Variants in SECISBP2 observed in about 807,000 individuals in gnomAD.
The protein encoded by SECISBP2 is SECIS binding protein 2.
Under a neutral mutation model 98.2 loss-of-function variants are expected in SECISBP2, and 96 were observed. That is an observed-to-expected ratio of 0.98 (90% CI 0.83 to 1.16). SECISBP2 has a LOEUF of 1.16. Ranked by LOEUF, SECISBP2 falls within the 50% of genes most tolerant of loss-of-function variation. The probability of loss-of-function intolerance (pLI) is 0.00; values close to 1 mark genes in which losing one functional copy is unlikely to be tolerated. For missense variants in SECISBP2, 1,046 were observed against 1,022.9 expected, an observed-to-expected ratio of 1.02 and a Z score of -0.31; for synonymous variants, 407 against 370.2, an observed-to-expected ratio of 1.10 and a Z score of -1.14.
intron 9 of SECISBP2, among the ~76,000 whole-genome samples, chr9:89,341,046 T>C (rs780436504): frequency 6.6e-6 from 1 of 152,054 alleles, no homozygotes; most frequent in Non-Finnish European, 1.5e-5. Context: ...AAAGACTTTA[T>C]ACAAGTGCTA....
intron 10 of SECISBP2, 72 bp from the exon 11 acceptor site, chr9:89,346,810 C>T (rs528609861): frequency 6.6e-5 from 105 of 1,579,108 alleles, no homozygotes; most frequent in East Asian, 2.5e-4. Flanking sequence ...AGCCCCTGGG[C>T]GAGCTGCGAT....
intron 14 of SECISBP2, among the ~76,000 whole-genome samples, chr9:89,352,376 G>A (rs937070578): frequency 6.6e-6 from 1 of 151,962 alleles, no homozygotes; most frequent in Admixed American, 6.5e-5. Context: ...TTCTTCTTGG[G>A]CTGCACTCTT....
At chr9:89,354,742 GCT>G (rs2132050030) in intron 14 of SECISBP2, 1 of 984,648 alleles carries the variant, frequency 1.0e-6, no homozygotes, top group African/African-American at 1.7e-5. Flanking sequence ...AGCCAAGCCT[GCT>G]CTGTTAGGTT....
At chr9:89,345,144 C>G (rs745454713) in intron 10 of SECISBP2, among the ~76,000 whole-genome samples, 2 of 152,144 alleles carry the variant, frequency 1.3e-5, no homozygotes, top group Non-Finnish European at 2.9e-5. Flanking sequence ...GTTGACCGCC[C>G]CATAGCTCAT....
intron 4 of SECISBP2, among the ~76,000 whole-genome samples, chr9:89,327,127 G>A (rs929867845): frequency 6.6e-6 from 1 of 151,376 alleles, no homozygotes; most frequent in African/African-American, 2.4e-5. Context: ...AAGCGTCCCT[G>A]CACTCCAGCC....
intron 8 of SECISBP2, 109 bp from the exon 9 acceptor site, chr9:89,339,755 A>G (rs1829368080): frequency 1.2e-6 from 1 of 807,588 alleles, no homozygotes; most frequent in Non-Finnish European, 2.1e-6. Flanking sequence ...TTTTTTTTTA[A>G]ATCACTTTTA....
intron 14 of SECISBP2, 107 bp from the exon 15 acceptor site, chr9:89,357,304 A>G: frequency 8.1e-7 from 1 of 1,239,128 alleles, no homozygotes; most frequent in Non-Finnish European, 1.2e-6. Context: ...CCTTGGATAT[A>G]AAATCATAGA....
At chr9:89,351,008 G>A (rs1831205293) in intron 14 of SECISBP2, among the ~76,000 whole-genome samples, 156 bp downstream of exon 14, 1 of 152,334 alleles carries the variant, frequency 6.6e-6, no homozygotes, top group Middle Eastern at 3.4e-3. Context: ...TTTCCCAACT[G>A]CATTGACCAT....
At chr9:89,358,295 T>G (rs763010331) in intron 16 of SECISBP2, 104 bp downstream of exon 16, 345 of 1,200,268 alleles carry the variant, frequency 2.9e-4, no homozygotes, top group Non-Finnish European at 4.0e-4. Context: ...CAAGACCAGC[T>G]GAGTAGCAGG....
At chr9:89,331,622 T>C (rs968309760) in intron 5 of SECISBP2, among the ~76,000 whole-genome samples, 5 of 152,232 alleles carry the variant, frequency 3.3e-5, no homozygotes, top group African/African-American at 1.2e-4. Flanking sequence ...GTTTAATATG[T>C]GAGACAGCCT....
intron 14 of SECISBP2, among the ~76,000 whole-genome samples, chr9:89,353,203 A>G (rs1235227042): frequency 1.3e-5 from 2 of 152,110 alleles, no homozygotes; most frequent in Non-Finnish European, 2.9e-5. Context: ...AAGAATTTGT[A>G]CTTCCAGCAA....
downstream of SECISBP2, among the ~76,000 whole-genome samples, chr9:89,362,628 G>A (rs934921824): frequency 2.0e-5 from 3 of 152,342 alleles, no homozygotes; most frequent in Non-Finnish European, 4.4e-5. Flanking sequence ...GAGCAGCAGC[G>A]CATTCACTCC....
intron 6 of SECISBP2, chr9:89,334,000 A>G: frequency 9.7e-7 from 1 of 1,027,940 alleles, no homozygotes; most frequent in Admixed American, 5.1e-5. Flanking sequence ...GTCCTGATAG[A>G]TGTCTTTGTT....
downstream of SECISBP2, chr9:89,363,684 G>A: frequency 1.9e-6 from 3 of 1,595,662 alleles, no homozygotes; most frequent in Admixed American, 1.7e-5. Flanking sequence ...CACTGCCATT[G>A]TAAATAGTGA....
At chr9:89,322,694 A>G (rs995059519) in intron 2 of SECISBP2, 3 of 152,226 alleles carry the variant, frequency 2.0e-5, no homozygotes, top group African/African-American at 7.2e-5. Flanking sequence ...AACTAGTGGT[A>G]TACAACATTG....
In SECISBP2 at chr9:89,346,976, C is replaced by T. The variant is rs769432162; in HGVS notation, c.1530C>T (p.Ser510=). The T allele has an allele frequency of 1.1e-5, 17 of 1,614,186 alleles. No individual in the cohort carries two copies. Among genetic ancestry groups the T allele is most frequent in the Non-Finnish European group, 1.4e-5 (17 of 1,180,014 alleles). Residue 510 remains serine, a synonymous_variant, in exon 11 of 17, where the codon TCC becomes TCT. Transcript: ENST00000375807. ...QMKTPHNPLD[S]SAPLMKKGKQ... ...AGACCCCGCACAATCCCTTGGACTC[C>T]AGCGCCCCACTGATGAAGAAAGGGA...
chr9:89,321,273 ATAG>A (rs1396183603), intron 2 of SECISBP2, among the ~76,000 whole-genome samples: 14 of 152,262 alleles, frequency 9.2e-5, no homozygotes, highest in African/African-American at 2.7e-4. Flanking sequence ...GTTACTCAAA[ATAG>A]TGGTGGAAAA....
chr9:89,338,692 A>T, intron 8 of SECISBP2, 112 bp downstream of exon 8: 1 of 1,171,490 alleles, frequency 8.5e-7, no homozygotes, highest in Non-Finnish European at 1.2e-6. Context: ...CTTTTTAATG[A>T]TCATTTTTGT....
intron 11 of SECISBP2, among the ~76,000 whole-genome samples, chr9:89,347,780 G>A (rs1395015969): frequency 6.6e-6 from 1 of 152,204 alleles, no homozygotes; most frequent in Non-Finnish European, 1.5e-5. Flanking sequence ...CCTCCCTCCG[G>A]TGAATTCTTA....
Sources: allele counts gnomAD v4.1 joint callset (sites outside exome capture counted in the v4.1 genomes callset), GRCh38; gene constraint gnomAD v4.1.1; transcripts MANE v1.5; gene names NCBI Gene and HGNC (gene_info 2026-07-23, HGNC 2026-07-21).